The following KATNIP variants were observed in gnomAD, a reference collection of about 807,000 sequenced individuals.
KATNIP encodes katanin-interacting protein.
A neutral mutation model predicts 174.0 loss-of-function variants in KATNIP; 126 were observed. The observed-to-expected ratio is 0.72, with a 90% CI of 0.63 to 0.84. KATNIP has a LOEUF of 0.84. Among genes scored for constraint, KATNIP ranks in the 40% least tolerant of loss-of-function variants. The probability of loss-of-function intolerance (pLI) is 0.00; values close to 1 mark genes in which losing one functional copy is unlikely to be tolerated. For missense variants in KATNIP, 1,958 were observed against 2,109.7 expected (o/e 0.93, Z 1.41); for synonymous variants, 810 against 835.7 (o/e 0.97, Z 0.53).
At position 27,600,474 on chromosome 16, in the gene KATNIP, T is replaced by C. The variant is rs558129100; in HGVS notation, c.64-17951T>C. ...CCTGGGATGTCAGAAGCAAAGACTC[T>C]CTAGCCGTCCCCTGGGATCAGCCAG... On this transcript the variant is annotated intron_variant, in intron 2 of 27. Transcript: ENST00000261588. Among the ~76,000 whole-genome samples, 7 of 152,240 alleles carry C rather than the reference T, an allele frequency of 4.6e-5. No individual in the cohort carries two copies. In the South Asian group the frequency reaches 1.5e-3, roughly 32 times the overall value.
chr16:27,776,991 T>TA lies in KATNIP; in HGVS notation c.4514dup (p.Tyr1505Ter). The change falls in exon 25 of 28, where the codon TAT (tyrosine) becomes TAAT (stop). Residue 1505 changes from tyrosine to a stop codon, truncating the protein, a stop_gained and frameshift_variant. Coordinates refer to ENST00000261588, the MANE Select transcript of KATNIP (RefSeq NM_015202.5). LOFTEE classifies it high-confidence loss of function. This position sits in a 1 kb window ranked among gnomAD's most constrained non-coding sequence, Gnocchi z 4.7. Reference sequence around the variant, plus strand: ...CGTGTCAATGATCAAACTGTGGAATTATGCGAAAACACCCCATCGAGGGGT... The same window carrying TA: ...CGTGTCAATGATCAAACTGTGGAATTAATGCGAAAACACCCCATCGAGGGGT... ...TTVSMIKLWNYAKTPHRGVKE... is the reference protein window; with the variant it reads ...TTVSMIKLWN 6.2e-7 allele frequency: 1 copy of TA among 1,613,970 alleles called. No individual in the cohort carries two copies. Among genetic ancestry groups the TA allele is most frequent in the Non-Finnish European group, 8.5e-7 (1 of 1,179,812 alleles).
chr16:27,608,399 C>CTTTTTTTTTTTTTT (rs11374534), intron 2 of KATNIP, among the ~76,000 whole-genome samples: 3 of 97,556 alleles, frequency 3.1e-5, no homozygotes, highest in African/African-American at 4.1e-5. Flanking sequence ...ACTGGTGAAT[C>CTTTTTTTTTTTTTT]TTTTTTTTTT....
In KATNIP at chr16:27,608,399, C is replaced by CTTT. The variant is rs11374534; in HGVS notation, c.64-10008_64-10006dup. On this transcript the variant is annotated intron_variant, in intron 2 of 27. Transcript: ENST00000261588. ...GTGCACGCCACCATGACTGGTGAAT[C>CTTT]TTTTTTTTTTTTTTTTTTTTGTATT... Among the ~76,000 whole-genome samples, 243 of 97,510 alleles carry CTTT rather than the reference C, an allele frequency of 2.5e-3. 5 individuals carry two copies. The highest frequency in any genetic ancestry group is 2.9e-3 in the Non-Finnish European group (150 of 52,502). 64.0% of individuals were successfully genotyped at this position (97,510 alleles called of 152,430 possible). A position where few individuals can be genotyped will look rare whatever the true frequency, so the allele number is the denominator to read the frequency against.
chr16:27,751,483 GA>G, intron 16 of KATNIP, among the ~76,000 whole-genome samples: 1 of 152,228 alleles, frequency 6.6e-6, no homozygotes, highest in Non-Finnish European at 1.5e-5. Context: ...TCACTTGCCT[GA>G]TGACATATCA....
At chr16:27,662,009 T>TACAC (rs2077520889) in intron 6 of KATNIP, among the ~76,000 whole-genome samples, 1 of 81,484 alleles carries the variant, frequency 1.2e-5, no homozygotes, top group African/African-American at 6.4e-5. Flanking sequence ...TATATATATA[T>TACAC]ATATATACAC....
rs2082596524 is a variant in KATNIP, at chr16:27,778,748, G to A, written c.*119G>A. 2 of 946,982 alleles carry A rather than the reference G, an allele frequency of 2.1e-6. No homozygotes were observed. Among genetic ancestry groups the A allele is most frequent in the Non-Finnish European group, 1.6e-6 (1 of 625,976 alleles). 58.7% of individuals were successfully genotyped at this position (946,982 alleles called of 1,614,324 possible). A position where few individuals can be genotyped will look rare whatever the true frequency, so the allele number is the denominator to read the frequency against. On this transcript the variant is annotated 3_prime_UTR_variant, in exon 28 of 28. Transcript: ENST00000261588. Reference sequence around the variant, plus strand: ...CTGGAAGCGAACCACAGTGTTGAGGGGAGCCCGCTGGGAAGAGGGGACTCG... The same window carrying A: ...CTGGAAGCGAACCACAGTGTTGAGGAGAGCCCGCTGGGAAGAGGGGACTCG...
At chr16:27,563,215 G>A (rs1300341357) in intron 1 of KATNIP, among the ~76,000 whole-genome samples, 2 of 152,156 alleles carry the variant, frequency 1.3e-5, no homozygotes, top group Non-Finnish European at 2.9e-5. Context: ...TGAGGGCTGG[G>A]TCCCTCTGGA....
At chr16:27,694,811 A>T (rs9938483) in intron 8 of KATNIP, among the ~76,000 whole-genome samples, 24,736 of 151,732 alleles carry the variant, frequency 0.16, 2,170 homozygotes, top group African/African-American at 0.22. Context: ...ATAAATAAAT[A>T]AATAAATAAA....
chr16:27,607,981 G>A (rs948884439), intron 2 of KATNIP, among the ~76,000 whole-genome samples: 2 of 152,064 alleles, frequency 1.3e-5, no homozygotes, highest in East Asian at 1.9e-4. Flanking sequence ...GCACGGTTGG[G>A]TATCCAGCAT....
In KATNIP at chr16:27,753,319, G is replaced by A. The variant is rs888545386; in HGVS notation, c.3553-854G>A. 4.6e-5 allele frequency among the ~76,000 whole-genome samples: 7 copies of A among 152,296 alleles called. 1 individual carries two copies. The highest frequency in any genetic ancestry group is 1.7e-4 in the African/African-American group (7 of 41,558). On this transcript the variant is annotated intron_variant, in intron 17 of 27. Transcript: ENST00000261588. The stretch of plus-strand genomic sequence containing the variant: ...TTTTTGGGCCACAAGCCGTGCCTGT[G>A]CTCCTGATTCGACCCAGGGGTCTCC...
At chr16:27,762,694 C>T (rs1440723634) in intron 19 of KATNIP, among the ~76,000 whole-genome samples, 1 of 152,190 alleles carries the variant, frequency 6.6e-6, no homozygotes, top group Non-Finnish European at 1.5e-5. Flanking sequence ...AGGCTTCTCC[C>T]TGCTTTTCTA....
intron 17 of KATNIP, among the ~76,000 whole-genome samples, 185 bp downstream of exon 17, chr16:27,752,109 A>AT (rs575087659): frequency 7.7e-4 from 117 of 151,888 alleles, no homozygotes; most frequent in East Asian, 2.5e-3. Flanking sequence ...AATTATTTTT[A>AT]TTTTTTTATT....
At chr16:27,712,139 G>A (rs976365067) in intron 13 of KATNIP, among the ~76,000 whole-genome samples, 2 of 152,216 alleles carry the variant, frequency 1.3e-5, no homozygotes, top group Non-Finnish European at 2.9e-5. Context: ...AGAGACTGGG[G>A]CGCTTTGCCA....
At chr16:27,733,850 G>T (rs2080795896) in intron 14 of KATNIP, among the ~76,000 whole-genome samples, 1 of 152,078 alleles carries the variant, frequency 6.6e-6, no homozygotes, top group Admixed American at 6.5e-5. Flanking sequence ...ATCCAGACTC[G>T]CAGAATCTTC....
At chr16:27,656,367 G>A (rs1163990430) in intron 6 of KATNIP, among the ~76,000 whole-genome samples, 2 of 144,440 alleles carry the variant, frequency 1.4e-5, no homozygotes, top group Admixed American at 1.4e-4. Flanking sequence ...GCAGTGAGCT[G>A]TGATCATGGC....
intron 5 of KATNIP, among the ~76,000 whole-genome samples, chr16:27,646,930 G>A (rs11647826): frequency 0.048 from 7,320 of 152,300 alleles, 244 homozygotes; most frequent in Non-Finnish European, 0.067. Flanking sequence ...CATTGCAGCT[G>A]GCAGAGGAAG....
intron 5 of KATNIP, 92 bp from the exon 6 acceptor site, chr16:27,648,512 C>G: frequency 6.7e-7 from 1 of 1,485,428 alleles, no homozygotes; most frequent in African/African-American, 1.4e-5. Flanking sequence ...GCCCATAGAT[C>G]CTGGCTGAAC....
Position 27,628,849 on chromosome 16 carries a change from G to C in KATNIP, c.310+19G>C, listed in dbSNP as rs1203621973. 1 of 1,613,000 alleles carries C rather than the reference G, an allele frequency of 6.2e-7. No individual in the cohort carries two copies. Among genetic ancestry groups the C allele is most frequent in the African/African-American group, 1.3e-5 (1 of 74,898 alleles). On this transcript the variant is annotated intron_variant, in intron 4 of 27. Transcript: ENST00000261588. Reference sequence around the variant, plus strand: ...ACACACGGTGAGCACAGGCCCTCCAGGCTGAGTCTCAGCTCTGTTAATCAA... The same window carrying C: ...ACACACGGTGAGCACAGGCCCTCCACGCTGAGTCTCAGCTCTGTTAATCAA...
chr16:27,779,748 G>A lies in KATNIP; in HGVS notation c.*1119G>A, dbSNP rs1414755921. ...CCAGAACGCATCTATATGCATCGATGTAACAAGCTCGGATCAGGGACCTAA... is the reference window on the plus strand; with the variant it reads ...CCAGAACGCATCTATATGCATCGATATAACAAGCTCGGATCAGGGACCTAA... On this transcript the variant is annotated 3_prime_UTR_variant, in exon 28 of 28. Transcript: ENST00000261588. 1.3e-5 allele frequency: 2 copies of A among 152,000 alleles called. No individual in the cohort carries two copies. Among genetic ancestry groups the A allele is most frequent in the Admixed American group, 6.6e-5 (1 of 15,256 alleles). 9.4% of individuals were successfully genotyped at this position (152,000 alleles called of 1,614,324 possible).
Sources: allele counts gnomAD v4.1 joint callset (sites outside exome capture counted in the v4.1 genomes callset), GRCh38; gene constraint gnomAD v4.1.1; non-coding constraint Gnocchi (gnomAD v3.1); transcripts MANE v1.5; gene names NCBI Gene and HGNC (gene_info 2026-07-23, HGNC 2026-07-21).